IFRD1: variants seen among roughly 807,000 people sequenced by gnomAD.
IFRD1 encodes interferon related developmental regulator 1, also known as interferon-related developmental regulator 1.
IFRD1 carries 35 observed loss-of-function variants against 52.9 expected under a neutral mutation model. That is an observed-to-expected ratio of 0.66 (90% CI 0.51 to 0.88). The LOEUF (loss-of-function observed/expected upper bound fraction) is 0.88, where lower values mean the gene tolerates loss of function less well. Among genes scored for constraint, IFRD1 ranks in the 40% least tolerant of loss-of-function variants. The probability of loss-of-function intolerance (pLI) is 0.00; values close to 1 mark genes in which losing one functional copy is unlikely to be tolerated. For synonymous variants in IFRD1, 184 were observed against 188.4 expected, an observed-to-expected ratio of 0.98 and a Z score of 0.19; for missense variants, 517 against 550.8, an observed-to-expected ratio of 0.94 and a Z score of 0.61.
chr7:112,450,220 A>C, upstream of IFRD1: 1 of 167,756 alleles, frequency 6.0e-6, no homozygotes, highest in Non-Finnish European at 1.3e-5. Flanking sequence ...GGCTGGGAGG[A>C]GGCCCCGGCC....
intron 1 of IFRD1, among the ~76,000 whole-genome samples, chr7:112,454,677 A>C (rs1002354311): frequency 6.6e-6 from 1 of 152,130 alleles, no homozygotes; most frequent in African/African-American, 2.4e-5. Context: ...AACATAAGAC[A>C]TGTGTAACCT....
At chr7:112,474,295 G>GT (rs1290419524) in intron 11 of IFRD1, among the ~76,000 whole-genome samples, 1 of 152,126 alleles carries the variant, frequency 6.6e-6, no homozygotes, top group African/African-American at 2.4e-5. Context: ...TCAGATGATA[G>GT]TTTTACATTT....
intron 8 of IFRD1, among the ~76,000 whole-genome samples, chr7:112,463,930 C>G (rs775568825): frequency 6.6e-6 from 1 of 150,516 alleles, no homozygotes. Context: ...ATAAATTACA[C>G]AGGATAACCA....
chr7:112,468,442 T>C (rs1795670504), intron 9 of IFRD1, among the ~76,000 whole-genome samples: 1 of 152,190 alleles, frequency 6.6e-6, no homozygotes, highest in African/African-American at 2.4e-5. Context: ...GTGTACAGTG[T>C]TTTTTGTGAA....
At chr7:112,439,769 A>G (rs1032869486) in intron 1 of IFRD1, among the ~76,000 whole-genome samples, 2 of 152,158 alleles carry the variant, frequency 1.3e-5, no homozygotes, top group East Asian at 1.9e-4. Flanking sequence ...CCAAGAATAA[A>G]CCATTTATAA....
At chr7:112,470,745 A>G (rs1795725208) in intron 9 of IFRD1, among the ~76,000 whole-genome samples, 1 of 152,248 alleles carries the variant, frequency 6.6e-6, no homozygotes, top group Admixed American at 6.5e-5. Flanking sequence ...CTATGCACGT[A>G]TACTTTAAAT....
chr7:112,458,819 A>G (rs1363516819), intron 4 of IFRD1, 42 bp from the exon 5 acceptor site: 2 of 1,578,250 alleles, frequency 1.3e-6, no homozygotes, highest in African/African-American at 1.3e-5. Flanking sequence ...AAGTTAGTCT[A>G]CTGAAAAGAC....
chr7:112,475,026 T>C (rs1008033215), intron 11 of IFRD1, among the ~76,000 whole-genome samples: 1 of 152,174 alleles, frequency 6.6e-6, no homozygotes, highest in Non-Finnish European at 1.5e-5. Context: ...TGGCGTGATC[T>C]CGGCTCACTG....
At chr7:112,465,582 G>T (rs1176354308) in intron 8 of IFRD1, among the ~76,000 whole-genome samples, 2 of 152,100 alleles carry the variant, frequency 1.3e-5, no homozygotes, top group African/African-American at 4.8e-5. Context: ...CTTAATGGAT[G>T]TTTATGTCCT....
chr7:112,469,375 C>G (rs1202969191), intron 9 of IFRD1, among the ~76,000 whole-genome samples: 1 of 152,034 alleles, frequency 6.6e-6, no homozygotes, highest in Non-Finnish European at 1.5e-5. Flanking sequence ...AATGCTGACT[C>G]TTATCACATT....
intron 1 of IFRD1, among the ~76,000 whole-genome samples, chr7:112,439,197 A>C (rs1794800973): frequency 6.6e-6 from 1 of 152,224 alleles, no homozygotes; most frequent in South Asian, 2.1e-4. Context: ...GTGGAGGCGG[A>C]ATGAAGTGGG....
At chr7:112,429,035 T>C (rs1794490529) in intron 1 of IFRD1, among the ~76,000 whole-genome samples, 2 of 152,222 alleles carry the variant, frequency 1.3e-5, no homozygotes, top group Non-Finnish European at 2.9e-5. Context: ...AAAAGTAACT[T>C]TGACCTGTCT....
intron 5 of IFRD1, 69 bp from the exon 6 acceptor site, chr7:112,461,797 A>G: frequency 1.2e-6 from 1 of 848,694 alleles, no homozygotes; most frequent in East Asian, 2.7e-5. Flanking sequence ...GAATTATAAA[A>G]GCAGGAAGAT....
At chr7:112,457,545 A>G (rs1358620254) in intron 4 of IFRD1, 1 of 158,232 alleles carries the variant, frequency 6.3e-6, no homozygotes, top group Non-Finnish European at 1.4e-5. Flanking sequence ...CTTAAAGTCC[A>G]GTGTTAGTAG....
intron 11 of IFRD1, among the ~76,000 whole-genome samples, chr7:112,473,062 GTGTGTATA>G (rs1277351532): frequency 3.6e-4 from 16 of 44,438 alleles, no homozygotes; most frequent in African/African-American, 9.2e-4. Context: ...GTGTGTGTGT[GTGTGTATA>G]TATGTGTCAG....
chr7:112,451,946 G>A, intron 1 of IFRD1: 1 of 917,338 alleles, frequency 1.1e-6, no homozygotes, highest in Non-Finnish European at 1.3e-6. Context: ...ATTGGAAACT[G>A]GCATTTAAAA....
intron 1 of IFRD1, among the ~76,000 whole-genome samples, chr7:112,426,095 A>G (rs1037377507): frequency 1.1e-4 from 17 of 152,088 alleles, no homozygotes; most frequent in African/African-American, 4.1e-4. Context: ...CTCCTGTAAT[A>G]CCAGCTGCTT....
intron 1 of IFRD1, among the ~76,000 whole-genome samples, chr7:112,434,570 AAATTT>A (rs1444164977): frequency 6.6e-6 from 1 of 152,222 alleles, no homozygotes; most frequent in Non-Finnish European, 1.5e-5. Context: ...ACTCTAAATT[AAATTT>A]AAGATTAACT....
At chr7:112,473,023 G>T (rs77405999) in intron 11 of IFRD1, among the ~76,000 whole-genome samples, 162 bp downstream of exon 11, 1 of 110,328 alleles carries the variant, frequency 9.1e-6, no homozygotes, top group Middle Eastern at 4.1e-3. Context: ...TTTAGAGTGT[G>T]GGGGGCGTGT....
Sources: gnomAD v4.1 joint callset for allele counts (sites outside exome capture counted in the v4.1 genomes callset) on GRCh38, gnomAD v4.1.1 for gene constraint, MANE v1.5 for transcripts, NCBI Gene and HGNC (gene_info 2026-07-23, HGNC 2026-07-21) for gene names.